Variants in ADGRB1 observed in about 807,000 individuals in gnomAD.
ADGRB1 encodes adhesion G protein-coupled receptor B1, also known as brain-specific angiogenesis inhibitor 1.
A neutral mutation model predicts 175.7 loss-of-function variants in ADGRB1; 36 were observed. The observed-to-expected ratio is 0.20, with a 90% CI of 0.16 to 0.27. ADGRB1 has a LOEUF of 0.27. Among genes scored for constraint, ADGRB1 ranks in the 10% least tolerant of loss-of-function variants. The pLI is 1.00. For missense variants in ADGRB1, 1,731 were observed against 2,255.3 expected (o/e 0.77, Z 4.71); for synonymous variants, 1,054 against 979.4 (o/e 1.08, Z -1.42).
chr8:142,495,268 G>A (rs534453989), intron 17 of ADGRB1, among the ~76,000 whole-genome samples: 2 of 152,196 alleles, frequency 1.3e-5, no homozygotes, highest in African/African-American at 4.8e-5. Context: ...CTCATGGCTG[G>A]GTGAGTGACC....
At position 142,542,621 on chromosome 8, in the gene ADGRB1, G is replaced by A. The variant is rs574924657; in HGVS notation, c.4387G>A (p.Ala1463Thr). 83 of 1,551,778 alleles carry A rather than the reference G, an allele frequency of 5.3e-5. 1 individual carries two copies. Among genetic ancestry groups the A allele is most frequent in the South Asian group, 5.1e-4 (43 of 84,370 alleles). ...GCCCAGCACCAAGAACGAGAATGTC[G>A]CCACCTTGTCTGTGAGCTCCCTGGA... ...TGPSTKNENVATLSVSSLERR... is the reference protein window; with the variant it reads ...TGPSTKNENVTTLSVSSLERR... The change falls in exon 28 of 31, where the codon GCC becomes ACC. Residue 1463 changes from alanine to threonine, a missense_variant. Ala to Thr is a moderately conservative substitution (Grantham distance 58). Transcript: ENST00000517894. This position sits in a 1 kb window ranked among gnomAD's most constrained non-coding sequence, Gnocchi z 6.3.
intron 19 of ADGRB1, among the ~76,000 whole-genome samples, chr8:142,520,028 G>GTGGTGGTGATGGAGTGATGA (rs1843690063): frequency 1.1e-5 from 1 of 87,366 alleles, no homozygotes; most frequent in Non-Finnish European, 2.6e-5. Flanking sequence ...GATGGTGGTG[G>GTGGTGGTGATGGAGTGATGA]TGGTGATGGT....
At chr8:142,503,188 A>G (rs1587362808) in intron 17 of ADGRB1, among the ~76,000 whole-genome samples, 1 of 152,014 alleles carries the variant, frequency 6.6e-6, no homozygotes, top group African/African-American at 2.4e-5. Context: ...CAGTTAAGGA[A>G]CCAGAGCCCA....
chr8:142,450,260 G>A (rs1364147409), intron 1 of ADGRB1, among the ~76,000 whole-genome samples, 156 bp downstream of exon 1: 1 of 151,912 alleles, frequency 6.6e-6, no homozygotes, highest in African/African-American at 2.4e-5. Flanking sequence ...CAGGAGTTTG[G>A]ACCCCCACCC....
rs2132290857 is a variant in ADGRB1 at position 142,542,461 on chromosome 8, C to T, written c.4227C>T (p.Ala1409=). The part of the protein sequence containing the change: ...PSGGPPEAPP[A]QPPPPPPPPP... The stretch of plus-strand genomic sequence containing the variant: ...GCGGGCCCCCCGAGGCACCCCCTGC[C>T]CAGCCCCCACCGCCTCCGCCCCCAC... Residue 1409 remains alanine, a synonymous_variant, in exon 28 of 31, where the codon GCC becomes GCT. Transcript: ENST00000517894. This position sits in a 1 kb window ranked among gnomAD's most constrained non-coding sequence, Gnocchi z 6.3. 7.5e-7 allele frequency: 1 copy of T among 1,340,552 alleles called. No individual in the cohort carries two copies. The highest frequency in any genetic ancestry group is 9.8e-7 in the Non-Finnish European group (1 of 1,022,204). The allele number at this position is 1,340,552 out of a possible 1,614,324, so 83.0% of individuals were successfully genotyped here.
chr8:142,479,099 T>C, intron 7 of ADGRB1: 1 of 457,892 alleles, frequency 2.2e-6, no homozygotes, highest in Non-Finnish European at 3.7e-6. Context: ...TGGGGTTGGC[T>C]GCATGTGGGG....
intron 1 of ADGRB1, among the ~76,000 whole-genome samples, chr8:142,458,189 G>A (rs188930817): frequency 2.6e-5 from 4 of 152,320 alleles, no homozygotes; most frequent in East Asian, 1.9e-4. Flanking sequence ...GACCCAGAGC[G>A]GGCATGGGGT....
At position 142,542,724 on chromosome 8, in the gene ADGRB1, G is replaced by C; in HGVS notation, c.4413+77G>C. On this transcript the variant is annotated intron_variant, in intron 28 of 30. Coordinates refer to ENST00000517894, the MANE Select transcript of ADGRB1 (RefSeq NM_001702.3). The surrounding 1 kb of genome is among the most constrained non-coding windows in gnomAD (Gnocchi z 6.3). ...GCAGCTGGGTCACCCCTGCTGGGTG[G>C]GACCCCCACGCCGTCAGCGGGGCGG... 7.6e-7 allele frequency: 1 copy of C among 1,321,516 alleles called. No individual in the cohort carries two copies. The highest frequency in any genetic ancestry group is 1.0e-6 in the Non-Finnish European group (1 of 981,636). 81.9% of individuals were successfully genotyped at this position (1,321,516 alleles called of 1,614,324 possible).
chr8:142,542,772 A>AC lies in ADGRB1; in HGVS notation c.4413+131dup, dbSNP rs890615507. The stretch of plus-strand genomic sequence containing the variant: ...CGGGCTGGCTCTGCCTCCTAGCTAC[A>AC]CCCCCCACCCCTGGCCCTGCTGGGT... On this transcript the variant is annotated intron_variant, in intron 28 of 30. Coordinates refer to ENST00000517894, the MANE Select transcript of ADGRB1 (RefSeq NM_001702.3). This position sits in a 1 kb window ranked among gnomAD's most constrained non-coding sequence, Gnocchi z 6.3. The AC allele has an allele frequency of 9.6e-6, 8 of 832,692 alleles. No individual in the cohort carries two copies. The highest frequency in any genetic ancestry group is 3.2e-5 in the East Asian group (1 of 31,328). 51.6% of individuals were successfully genotyped at this position (832,692 alleles called of 1,614,324 possible). A position where few individuals can be genotyped will look rare whatever the true frequency, so the allele number is the denominator to read the frequency against.
chr8:142,542,675 C>T lies in ADGRB1; in HGVS notation c.4413+28C>T. Reference sequence around the variant, plus strand: ...GAGGGGGGCAGGGGTGGGCCACACCCCAGCCAGCGAGGGCAGGGCTGCAGC... The same window carrying T: ...GAGGGGGGCAGGGGTGGGCCACACCTCAGCCAGCGAGGGCAGGGCTGCAGC... On this transcript the variant is annotated intron_variant, in intron 28 of 30. Coordinates refer to ENST00000517894, the MANE Select transcript of ADGRB1 (RefSeq NM_001702.3). The surrounding 1 kb of genome is among the most constrained non-coding windows in gnomAD (Gnocchi z 6.3). 6.6e-7 allele frequency: 1 copy of T among 1,520,142 alleles called. No individual in the cohort carries two copies. Among genetic ancestry groups the T allele is most frequent in the Non-Finnish European group, 8.8e-7 (1 of 1,131,804 alleles). The allele number at this position is 1,520,142 out of a possible 1,614,324, so 94.2% of individuals were successfully genotyped here. A position where few individuals can be genotyped will look rare whatever the true frequency, so the allele number is the denominator to read the frequency against.
In ADGRB1 at chr8:142,520,937, T is replaced by C; in HGVS notation, c.3024+12T>C. ...AGACCCGCAACAAGGTAGGCAGCCTTGCGTCCTGCCATGCACTTCCCAACA... is the reference window on the plus strand; with the variant it reads ...AGACCCGCAACAAGGTAGGCAGCCTCGCGTCCTGCCATGCACTTCCCAACA... On this transcript the variant is annotated intron_variant, in intron 20 of 30. Coordinates refer to ENST00000517894, the MANE Select transcript of ADGRB1 (RefSeq NM_001702.3). The C allele has an allele frequency of 2.5e-6, 4 of 1,605,702 alleles. No homozygotes were observed. Among genetic ancestry groups the C allele is most frequent in the Non-Finnish European group, 3.4e-6 (4 of 1,172,770 alleles).
chr8:142,485,759 A>C (rs1220727671), intron 13 of ADGRB1, among the ~76,000 whole-genome samples: 1 of 152,204 alleles, frequency 6.6e-6, no homozygotes, highest in Non-Finnish European at 1.5e-5. Flanking sequence ...AACCCTGAGC[A>C]CCGTGGTTAC....
chr8:142,532,511 C>T (rs1249856464), intron 24 of ADGRB1, among the ~76,000 whole-genome samples: 1 of 152,154 alleles, frequency 6.6e-6, no homozygotes, highest in Non-Finnish European at 1.5e-5. Flanking sequence ...GGTCTACAGG[C>T]AGGTGGCCGC....
intron 13 of ADGRB1, among the ~76,000 whole-genome samples, 168 bp from the exon 14 acceptor site, chr8:142,488,196 G>A (rs1201504153): frequency 6.6e-6 from 1 of 152,148 alleles, no homozygotes; most frequent in Non-Finnish European, 1.5e-5. Context: ...AGGTTCTGGG[G>A]GCTGGGGCTG....
intron 18 of ADGRB1, among the ~76,000 whole-genome samples, chr8:142,516,873 T>C (rs984399314): frequency 6.6e-6 from 1 of 152,104 alleles, no homozygotes; most frequent in East Asian, 1.9e-4. Flanking sequence ...AACTCATCCA[T>C]GTAGAAGCGA....
At chr8:142,540,894 T>C (rs9644555) in intron 27 of ADGRB1, among the ~76,000 whole-genome samples, 30,464 of 151,666 alleles carry the variant, frequency 0.2, 3,211 homozygotes, top group East Asian at 0.3. Context: ...GCCGGGAGCA[T>C]GGCCTGCTGA....
At chr8:142,454,134 G>C (rs912900064) in intron 1 of ADGRB1, among the ~76,000 whole-genome samples, 1 of 152,146 alleles carries the variant, frequency 6.6e-6, no homozygotes, top group Non-Finnish European at 1.5e-5. Context: ...CGCCCCATGG[G>C]CCGCCAGGTC....
rs1159424280 is a variant in ADGRB1, at chr8:142,493,465, A to G, written c.2675+2650A>G. Among the ~76,000 whole-genome samples the G allele has an allele frequency of 6.6e-6, 1 of 152,174 alleles. No homozygotes were observed. Among genetic ancestry groups the G allele is most frequent in the Non-Finnish European group, 1.5e-5 (1 of 68,028 alleles). On this transcript the variant is annotated intron_variant, in intron 17 of 30. Coordinates refer to ENST00000517894, the MANE Select transcript of ADGRB1 (RefSeq NM_001702.3). This position sits in a 1 kb window ranked among gnomAD's most constrained non-coding sequence, Gnocchi z 5.0. ...GGAAGGCCCAGGACCCGCCAGTCAC[A>G]CCAGGTGTTCCACCCACCCCGTCAC...
intron 7 of ADGRB1, 119 bp from the exon 8 acceptor site, chr8:142,479,204 C>G (rs903361751): frequency 1.7e-6 from 2 of 1,179,278 alleles, no homozygotes; most frequent in African/African-American, 1.6e-5. Context: ...TCCTGGGTCC[C>G]TATGTTTCAC....
Sources: gnomAD v4.1 joint callset for allele counts (sites outside exome capture counted in the v4.1 genomes callset) on GRCh38, gnomAD v4.1.1 for gene constraint, Gnocchi (gnomAD v3.1) non-coding constraint, MANE v1.5 for transcripts, NCBI Gene and HGNC (gene_info 2026-07-23, HGNC 2026-07-21) for gene names.